Variants in HS6ST2 observed in about 807,000 individuals in gnomAD.
HS6ST2 encodes the protein heparan sulfate 6-O-sulfotransferase 2.
HS6ST2 carries 17 observed loss-of-function variants against 33.0 expected under a neutral mutation model. The ratio of observed to expected loss-of-function variants is 0.52; its 90% confidence interval spans 0.35 to 0.77. The LOEUF is 0.77. Ranked by LOEUF, HS6ST2 falls within the 30% of genes least tolerant of loss-of-function variation. HS6ST2 has a pLI of 0.01. For missense variants in HS6ST2, 519 were observed against 551.7 expected (o/e 0.94, Z 0.59); for synonymous variants, 248 against 237.1 (o/e 1.05, Z -0.42).
At chrX:132,674,252 A>G (rs1240100942) in intron 3 of HS6ST2, among the ~76,000 whole-genome samples, 1 of 112,002 alleles carries the variant, frequency 8.9e-6, no homozygotes, top group African/African-American at 3.2e-5. Flanking sequence ...CAGTGTAACT[A>G]TGATCTCTCA....
chrX:132,794,139 A>G (rs1477983525), intron 2 of HS6ST2, among the ~76,000 whole-genome samples: 1 of 112,378 alleles, frequency 8.9e-6, no homozygotes, highest in Non-Finnish European at 1.9e-5. Flanking sequence ...CTGTGTCTTG[A>G]GAGACAGGGT....
intron 2 of HS6ST2, among the ~76,000 whole-genome samples, chrX:132,912,856 T>C (rs900121494): frequency 2.7e-5 from 3 of 111,845 alleles, no homozygotes; most frequent in Non-Finnish European, 3.8e-5. Flanking sequence ...ATGGACAAAA[T>C]TGAGAACCTC....
chrX:132,769,741 T>C (rs1289306432), intron 2 of HS6ST2, among the ~76,000 whole-genome samples: 6 of 111,936 alleles, frequency 5.4e-5, no homozygotes, highest in Non-Finnish European at 9.4e-5. Context: ...TCAAATGAGG[T>C]AGGCGCAAAA....
chrX:132,926,649 G>A (rs191410883), intron 2 of HS6ST2, among the ~76,000 whole-genome samples: 466 of 112,367 alleles, frequency 4.1e-3, no homozygotes, highest in African/African-American at 0.014. Flanking sequence ...CTGGCTGAGC[G>A]CAGTAGCTCA....
chrX:132,628,807 G>A lies in HS6ST2; in HGVS notation c.1354C>T (p.Gln452Ter). ...CTTTCCAGAAGGACCTTGTTTCTTT[G>A]CTTTTCAGGCATGACAGAGAGGTTG... Reference protein sequence around the residue: ...CYNLSVMPEKQRNKVLLESAK... With the variant: ...CYNLSVMPEK The change falls in exon 5 of 5, where the codon CAA becomes TAA. Residue 452 changes from glutamine (Q) to a stop codon, truncating the protein, a stop_gained. Coordinates refer to ENST00000370833, the MANE Select transcript of HS6ST2 (RefSeq NM_001394073.1). LOFTEE classifies it high-confidence loss of function. 8.3e-7 allele frequency: 1 copy of A among 1,211,698 alleles called. No individual in the cohort carries two copies. The highest frequency in any genetic ancestry group is 1.1e-6 in the Non-Finnish European group (1 of 895,383).
At chrX:132,957,847 T>TGCCGGC (rs1368199150) in intron 1 of HS6ST2, among the ~76,000 whole-genome samples, 4 of 111,869 alleles carry the variant, frequency 3.6e-5, no homozygotes, top group Non-Finnish European at 7.6e-5. Context: ...GCCCTCCTTT[T>TGCCGGC]GCCGGCGCCC....
chrX:132,670,439 G>A (rs1279548907), intron 3 of HS6ST2, among the ~76,000 whole-genome samples: 1 of 110,956 alleles, frequency 9.0e-6, no homozygotes, highest in Non-Finnish European at 1.9e-5. Context: ...TAATAAAGAT[G>A]TGTGTGGGCA....
chrX:132,804,571 A>G lies in HS6ST2; in HGVS notation c.948-96077T>C, dbSNP rs188461531. Among the ~76,000 whole-genome samples, 747 of 112,319 alleles carry G rather than the reference A, an allele frequency of 6.7e-3. 3 individuals are homozygous for G. The highest frequency in any genetic ancestry group is 0.023 in the African/African-American group (713 of 30,992). On this transcript the variant is annotated intron_variant, in intron 2 of 4. Transcript: ENST00000370833. ...TCCCAGCACTTTGGGAGGCTGAGGCAGGAGGATCGCTTGAGCTCAGAAGTT... is the reference window on the plus strand; with the variant it reads ...TCCCAGCACTTTGGGAGGCTGAGGCGGGAGGATCGCTTGAGCTCAGAAGTT...
intron 2 of HS6ST2, among the ~76,000 whole-genome samples, chrX:132,836,413 G>T (rs1410898695): frequency 1.8e-5 from 2 of 112,741 alleles, no homozygotes; most frequent in Non-Finnish European, 3.8e-5. Flanking sequence ...GCACCTTAAG[G>T]TTGCTAGGGC....
intron 3 of HS6ST2, among the ~76,000 whole-genome samples, chrX:132,706,183 C>T (rs772972969): frequency 5.4e-5 from 6 of 111,237 alleles, no homozygotes; most frequent in African/African-American, 1.6e-4. Context: ...TCTTAAAGCT[C>T]CCCTCCAGCC....
chrX:132,882,768 T>C (rs973125793), intron 2 of HS6ST2, among the ~76,000 whole-genome samples: 1 of 111,398 alleles, frequency 9.0e-6, no homozygotes, highest in African/African-American at 3.3e-5. Context: ...GGGATTGTCA[T>C]AAATAGTTCT....
intron 4 of HS6ST2, among the ~76,000 whole-genome samples, chrX:132,644,871 C>T (rs774044067): frequency 6.3e-5 from 7 of 111,511 alleles, no homozygotes; most frequent in Admixed American, 1.9e-4. Context: ...GCCTCAGGTC[C>T]CCAGGTTGGC....
chrX:132,940,751 T>C (rs2066878219), intron 2 of HS6ST2, among the ~76,000 whole-genome samples: 1 of 111,839 alleles, frequency 8.9e-6, no homozygotes, highest in African/African-American at 3.3e-5. Context: ...ACTCCTAAGA[T>C]GGCTATAATG....
intron 2 of HS6ST2, among the ~76,000 whole-genome samples, chrX:132,726,023 G>T (rs759635712): frequency 9.0e-6 from 1 of 110,548 alleles, no homozygotes; most frequent in South Asian, 3.9e-4. Flanking sequence ...AAGGGTAGTG[G>T]AGGGGGGTAG....
intron 2 of HS6ST2, among the ~76,000 whole-genome samples, chrX:132,830,890 G>A (rs1050531855): frequency 1.5e-4 from 17 of 111,527 alleles, no homozygotes; most frequent in Non-Finnish European, 3.2e-4. Context: ...GCCTTTTACC[G>A]CCAGTGAATA....
chrX:132,918,393 C>G (rs1194182614), intron 2 of HS6ST2, among the ~76,000 whole-genome samples: 1 of 112,218 alleles, frequency 8.9e-6, no homozygotes, highest in Non-Finnish European at 1.9e-5. Flanking sequence ...TTGATTAAAC[C>G]AAGCCATAAT....
intron 2 of HS6ST2, among the ~76,000 whole-genome samples, chrX:132,922,889 C>T (rs1199776321): frequency 9.1e-6 from 1 of 109,951 alleles, no homozygotes; most frequent in Non-Finnish European, 1.9e-5. Context: ...ATGGCAAAAC[C>T]CTGTCTCTAC....
In HS6ST2 at chrX:132,792,543, T is replaced by C. The variant is rs893163788; in HGVS notation, c.948-84049A>G. Among the ~76,000 whole-genome samples the C allele has an allele frequency of 3.6e-5, 4 of 112,338 alleles. No homozygotes were observed. The Admixed American group carries it at 3.8e-4, about 11-fold the overall frequency. On this transcript the variant is annotated intron_variant, in intron 2 of 4. Coordinates refer to ENST00000370833, the MANE Select transcript of HS6ST2 (RefSeq NM_001394073.1). ...CCATACAATTCTCCCATTTAAAGTGTAAAATTTGAGGTTTTTAGTATATTA... is the reference window on the plus strand; with the variant it reads ...CCATACAATTCTCCCATTTAAAGTGCAAAATTTGAGGTTTTTAGTATATTA...
intron 4 of HS6ST2, among the ~76,000 whole-genome samples, chrX:132,653,011 A>T (rs997801658): frequency 1.8e-5 from 2 of 111,833 alleles, no homozygotes; most frequent in Non-Finnish European, 3.8e-5. Context: ...AGTATTACTG[A>T]CATTAATTCT....
Sources: gnomAD v4.1 joint callset for allele counts (sites outside exome capture counted in the v4.1 genomes callset) on GRCh38, gnomAD v4.1.1 for gene constraint, MANE v1.5 for transcripts, NCBI Gene and HGNC (gene_info 2026-07-23, HGNC 2026-07-21) for gene names.